Variants in CAMTA1 observed in about 807,000 individuals in gnomAD.
CAMTA1 encodes the protein calmodulin binding transcription activator 1.
A neutral mutation model predicts 170.9 loss-of-function variants in CAMTA1; 27 were observed. That is an observed-to-expected ratio of 0.16 (90% CI 0.12 to 0.22). The LOEUF (loss-of-function observed/expected upper bound fraction) is 0.22. Ranked by LOEUF, CAMTA1 falls within the 10% of genes least tolerant of loss-of-function variation. CAMTA1 has a pLI of 1.00. For missense variants in CAMTA1, 1,619 were observed against 2,217.2 expected, an observed-to-expected ratio of 0.73 and a Z score of 5.42; for synonymous variants, 833 against 891.5, an observed-to-expected ratio of 0.93 and a Z score of 1.17.
rs558018859 is a variant in CAMTA1, at chr1:7,076,849, A to T, written c.235-14455A>T. 9.4e-4 allele frequency among the ~76,000 whole-genome samples: 143 copies of T among 152,298 alleles called. 1 individual carries two copies. The highest frequency in any genetic ancestry group is 3.3e-3 in the African/African-American group (136 of 41,568). ...ACTCCTCTTCAAAGCAGGGTAGAAC[A>T]ATTACCTCTGTAAAATTCATGAATT... On this transcript the variant is annotated intron_variant, in intron 3 of 22. Coordinates refer to ENST00000303635, the MANE Select transcript of CAMTA1 (RefSeq NM_015215.4).
intron 6 of CAMTA1, among the ~76,000 whole-genome samples, chr1:7,507,217 TACAC>T (rs1227784569): frequency 6.6e-6 from 1 of 151,764 alleles, no homozygotes; most frequent in African/African-American, 2.4e-5. Context: ...CACTCACCGA[TACAC>T]ACTTGCTCAC....
rs2149549466 is a variant in CAMTA1 at position 6,965,632 on chromosome 1, G to A, written c.235-125672G>A. ...CGTGCCGCCTGTTAGCTAATCAACA[G>A]TGAGGAGAAAGTCCTGACAACAAGT... is the stretch of plus-strand genomic sequence containing the variant. On this transcript the variant is annotated intron_variant, in intron 3 of 22. Transcript: ENST00000303635. The surrounding 1 kb of genome is among the most constrained non-coding windows in gnomAD (Gnocchi z 4.1). Among the ~76,000 whole-genome samples the A allele has an allele frequency of 6.6e-6, 1 of 152,298 alleles. No homozygotes were observed. Among genetic ancestry groups the A allele is most frequent in the South Asian group, 2.1e-4 (1 of 4,832 alleles).
At chr1:7,264,079 G>T (rs935669842) in intron 5 of CAMTA1, among the ~76,000 whole-genome samples, 2 of 152,154 alleles carry the variant, frequency 1.3e-5, no homozygotes, top group African/African-American at 2.4e-5. Flanking sequence ...AGCTCTAGTT[G>T]TCTCCTCTGG....
rs185433865 is a variant in CAMTA1 at position 6,823,358 on chromosome 1, T to A, written c.116-1734T>A. Among the ~76,000 whole-genome samples, 11 of 152,324 alleles carry A rather than the reference T, an allele frequency of 7.2e-5. No individual in the cohort carries two copies. In the East Asian group the frequency reaches 2.1e-3, roughly 29 times the overall value. On this transcript the variant is annotated intron_variant, in intron 2 of 22. Coordinates refer to ENST00000303635, the MANE Select transcript of CAMTA1 (RefSeq NM_015215.4). ...GAACTTTCTATGAACTTTCTTTTAG[T>A]TGAACAGTTTCCTTTTGGTTTCACA...
At chr1:7,715,144 G>A (rs1186786887) in intron 11 of CAMTA1, among the ~76,000 whole-genome samples, 1 of 152,132 alleles carries the variant, frequency 6.6e-6, no homozygotes, top group Non-Finnish European at 1.5e-5. Context: ...CCAGTTAAGT[G>A]AGAGCAGGAA....
intron 6 of CAMTA1, among the ~76,000 whole-genome samples, chr1:7,513,150 G>A (rs1425534539): frequency 3.9e-5 from 6 of 152,170 alleles, no homozygotes; most frequent in African/African-American, 1.4e-4. Flanking sequence ...CAGGTGGGAG[G>A]TGATGCGGAC....
chr1:7,514,016 C>T (rs1391008039), intron 6 of CAMTA1, among the ~76,000 whole-genome samples: 1 of 152,168 alleles, frequency 6.6e-6, no homozygotes, highest in Non-Finnish European at 1.5e-5. Flanking sequence ...ACTCCAATGA[C>T]CTTATCTTAA....
At chr1:7,524,218 A>G (rs202172767) in intron 6 of CAMTA1, among the ~76,000 whole-genome samples, 1 of 152,144 alleles carries the variant, frequency 6.6e-6, no homozygotes, top group South Asian at 2.1e-4. Flanking sequence ...CACACACACA[A>G]AAAAGAATTT....
At chr1:6,890,656 G>C (rs1674315515) in intron 3 of CAMTA1, among the ~76,000 whole-genome samples, 1 of 151,112 alleles carries the variant, frequency 6.6e-6, no homozygotes, top group African/African-American at 2.4e-5. Flanking sequence ...TTGCAGCCTT[G>C]ACCTCCTGAG....
chr1:7,558,422 G>C (rs1349288101), intron 6 of CAMTA1, among the ~76,000 whole-genome samples: 1 of 152,232 alleles, frequency 6.6e-6, no homozygotes, highest in African/African-American at 2.4e-5. Context: ...AGCCATCCAG[G>C]ACAGGGTGCC....
intron 1 of CAMTA1, 131 bp downstream of exon 1, chr1:6,785,706 C>A: frequency 1.4e-5 from 1 of 73,396 alleles, no homozygotes; most frequent in South Asian, 4.6e-4. Flanking sequence ...GCGGGCGACC[C>A]GGCCGGGGAG....
At chr1:7,687,310 G>C (rs1396728471) in intron 11 of CAMTA1, among the ~76,000 whole-genome samples, 1 of 150,554 alleles carries the variant, frequency 6.6e-6, no homozygotes, top group Non-Finnish European at 1.5e-5. Context: ...AGAAACGAAG[G>C]TGTTTCAAAA....
intron 5 of CAMTA1, among the ~76,000 whole-genome samples, chr1:7,395,174 C>T (rs2089186816): frequency 6.6e-6 from 1 of 152,206 alleles, no homozygotes; most frequent in Non-Finnish European, 1.5e-5. Context: ...TGAGCCACCG[C>T]ACCTGGCCTC....
At chr1:7,120,184 A>G (rs1272921318) in intron 4 of CAMTA1, among the ~76,000 whole-genome samples, 1 of 152,182 alleles carries the variant, frequency 6.6e-6, no homozygotes, top group Non-Finnish European at 1.5e-5. Context: ...GTGGCATAAC[A>G]CAACACATGA....
chr1:7,517,876 C>T (rs1042423908), intron 6 of CAMTA1, among the ~76,000 whole-genome samples: 6 of 152,090 alleles, frequency 3.9e-5, no homozygotes, highest in African/African-American at 1.2e-4. Context: ...CCATGAGGGA[C>T]GATGATCCCC....
chr1:6,978,672 A>G (rs1693906441), intron 3 of CAMTA1, among the ~76,000 whole-genome samples: 1 of 149,206 alleles, frequency 6.7e-6, no homozygotes, highest in African/African-American at 2.4e-5. Flanking sequence ...ATATTTTTAT[A>G]TTTTATATAT....
At chr1:7,550,016 GAGGAGGAGGGTGTGCAA>G (rs982278846) in intron 6 of CAMTA1, among the ~76,000 whole-genome samples, 2 of 152,106 alleles carry the variant, frequency 1.3e-5, no homozygotes, top group African/African-American at 2.4e-5. Flanking sequence ...GGGAAGGAAG[GAGGAGGAGGGTGTGCAA>G]AGGAGGAGAA....
chr1:7,691,102 C>T (rs2096305537), intron 11 of CAMTA1, among the ~76,000 whole-genome samples: 1 of 152,194 alleles, frequency 6.6e-6, no homozygotes, highest in Non-Finnish European at 1.5e-5. Flanking sequence ...ATTTGGGGAC[C>T]TTATGATGGA....
chr1:7,108,540 A>G (rs1643829858), intron 4 of CAMTA1, among the ~76,000 whole-genome samples: 1 of 152,172 alleles, frequency 6.6e-6, no homozygotes, highest in Non-Finnish European at 1.5e-5. Flanking sequence ...GAAACGATTC[A>G]ACAATCCTTG....
Sources: allele counts gnomAD v4.1 joint callset (sites outside exome capture counted in the v4.1 genomes callset), GRCh38; gene constraint gnomAD v4.1.1; non-coding constraint Gnocchi (gnomAD v3.1); transcripts MANE v1.5; gene names NCBI Gene and HGNC (gene_info 2026-07-23, HGNC 2026-07-21).